TFDP1: variants seen among roughly 807,000 people sequenced by gnomAD.
The protein encoded by TFDP1 is DRTF1-polypeptide 1.
TFDP1 carries 6 observed loss-of-function variants against 48.0 expected under a neutral mutation model. The observed-to-expected ratio is 0.13, with a 90% CI of 0.07 to 0.25. The LOEUF (loss-of-function observed/expected upper bound fraction) is 0.25. TFDP1 is among the 10% of genes least tolerant of loss of function. The pLI is 1.00. For missense variants in TFDP1, 335 were observed against 543.0 expected, an observed-to-expected ratio of 0.62 and a Z score of 3.81; for synonymous variants, 201 against 211.6, an observed-to-expected ratio of 0.95 and a Z score of 0.44.
rs1168703487 is a variant in TFDP1 at position 113,598,588 on chromosome 13, A to G, written c.13-12408A>G. Among the ~76,000 whole-genome samples, 1 of 152,144 alleles carries G rather than the reference A, an allele frequency of 6.6e-6. No individual in the cohort carries two copies. The highest frequency in any genetic ancestry group is 1.9e-4 in the East Asian group (1 of 5,190). On this transcript the variant is annotated intron_variant, in intron 2 of 11. Coordinates refer to ENST00000375370, the MANE Select transcript of TFDP1 (RefSeq NM_007111.5). The surrounding 1 kb of genome is among the most constrained non-coding windows in gnomAD (Gnocchi z 4.2). ...TGCCCTCCTGTGACTCCCATTGTGT[A>G]TGAACTTACCTCCTCGCTCTTCAGC... is the stretch of plus-strand genomic sequence containing the variant.
intron 4 of TFDP1, among the ~76,000 whole-genome samples, chr13:113,624,416 C>A (rs1393597201): frequency 6.6e-6 from 1 of 150,636 alleles, no homozygotes; most frequent in Non-Finnish European, 1.5e-5. Context: ...CCCCAGGTGT[C>A]CTCACGTGTC....
chr13:113,635,598 C>T (rs867697138), intron 8 of TFDP1, among the ~76,000 whole-genome samples: 18 of 152,186 alleles, frequency 1.2e-4, no homozygotes, highest in African/African-American at 3.9e-4. Context: ...GCAAAGTCCA[C>T]GGCACGGCAC....
At chr13:113,594,214 TGTG>T (rs549343086) in intron 2 of TFDP1, among the ~76,000 whole-genome samples, 1 of 127,030 alleles carries the variant, frequency 7.9e-6, no homozygotes, top group Admixed American at 8.7e-5. Flanking sequence ...AGGTGACAGG[TGTG>T]GTGTACACGG....
chr13:113,637,656 C>G, intron 10 of TFDP1, 162 bp from the exon 11 acceptor site: 1 of 1,540,316 alleles, frequency 6.5e-7, no homozygotes, highest in Non-Finnish European at 8.7e-7. Context: ...GCGGGATGTC[C>G]TGCTCCGTGG....
intron 3 of TFDP1, among the ~76,000 whole-genome samples, chr13:113,613,218 G>T (rs565282449): frequency 6.6e-6 from 1 of 152,344 alleles, no homozygotes; most frequent in Admixed American, 6.5e-5. Context: ...GTTTCACCAT[G>T]TTGGTCAGAC....
intron 4 of TFDP1, among the ~76,000 whole-genome samples, chr13:113,625,582 T>C (rs189307041): frequency 2.2e-3 from 75 of 34,680 alleles, no homozygotes; most frequent in Admixed American, 4.5e-3. Context: ...CCTCAGGTGT[T>C]TCTCAGGTGT....
chr13:113,605,194 A>G (rs1392277100), intron 2 of TFDP1, among the ~76,000 whole-genome samples: 2 of 152,068 alleles, frequency 1.3e-5, no homozygotes, highest in East Asian at 1.9e-4. Flanking sequence ...GTCACCTTCC[A>G]GGAAAGGGGT....
At chr13:113,614,154 G>A (rs1356706357) in intron 3 of TFDP1, among the ~76,000 whole-genome samples, 1 of 151,776 alleles carries the variant, frequency 6.6e-6, no homozygotes, top group East Asian at 1.9e-4. Context: ...GCGTGTGCAT[G>A]TGTGTGTGTT....
chr13:113,626,741 A>G (rs1157916031), intron 4 of TFDP1, among the ~76,000 whole-genome samples: 1 of 152,202 alleles, frequency 6.6e-6, no homozygotes, highest in African/African-American at 2.4e-5. Context: ...GCTTTTCAGT[A>G]AATGCCATTT....
In TFDP1 at chr13:113,613,420, A is replaced by G. The variant is rs986327389; in HGVS notation, c.79+2358A>G. ...GGTTTCCTTTTTTCCTCTTCTGTCC[A>G]TGCAGGTGAGCACCAATGTTCACTT... On this transcript the variant is annotated intron_variant, in intron 3 of 11. Transcript: ENST00000375370. 3.3e-5 allele frequency among the ~76,000 whole-genome samples: 5 copies of G among 152,354 alleles called. No homozygotes were observed. The East Asian group carries it at 9.6e-4, about 29-fold the overall frequency.
At position 113,604,442 on chromosome 13, in the gene TFDP1, C is replaced by T. The variant is rs562757930; in HGVS notation, c.13-6554C>T. On this transcript the variant is annotated intron_variant, in intron 2 of 11. Coordinates refer to ENST00000375370, the MANE Select transcript of TFDP1 (RefSeq NM_007111.5). ...GAGACCCAGACTCACACCCACACTCCTAAGGGCAGGACACAGGGGAGGCTG... is the reference window on the plus strand; with the variant it reads ...GAGACCCAGACTCACACCCACACTCTTAAGGGCAGGACACAGGGGAGGCTG... Among the ~76,000 whole-genome samples the T allele has an allele frequency of 6.6e-5, 10 of 152,330 alleles. No individual in the cohort carries two copies. The East Asian group carries it at 1.5e-3, about 24-fold the overall frequency.
intron 4 of TFDP1, among the ~76,000 whole-genome samples, chr13:113,626,644 A>G (rs954168746): frequency 6.6e-6 from 1 of 152,152 alleles, no homozygotes; most frequent in Non-Finnish European, 1.5e-5. Context: ...CTTGCTCTGC[A>G]GAAGTTTTGT....
intron 1 of TFDP1, chr13:113,585,538 A>C: frequency 1.5e-4 from 39 of 254,278 alleles, no homozygotes; most frequent in East Asian, 5.4e-4. Context: ...ACCTGGGGGT[A>C]GTGGTGGTGA....
chr13:113,611,601 C>T (rs1449890523), intron 3 of TFDP1, among the ~76,000 whole-genome samples: 3 of 152,244 alleles, frequency 2.0e-5, no homozygotes, highest in African/African-American at 7.2e-5. Flanking sequence ...CAGGGTCCCA[C>T]GGTTGGTAGT....
At chr13:113,621,623 A>G (rs528196584) in intron 3 of TFDP1, among the ~76,000 whole-genome samples, 2 of 152,380 alleles carry the variant, frequency 1.3e-5, no homozygotes, top group East Asian at 3.9e-4. Flanking sequence ...AGGAGTGACC[A>G]GAAGACGAGT....
intron 3 of TFDP1, among the ~76,000 whole-genome samples, chr13:113,621,841 G>C (rs142047724): frequency 0.013 from 2,012 of 152,290 alleles, 46 homozygotes; most frequent in East Asian, 0.11. Context: ...GGCCTGACAT[G>C]AGTCAGGCTC....
intron 2 of TFDP1, among the ~76,000 whole-genome samples, chr13:113,595,704 C>G (rs1044770780): frequency 2.6e-5 from 4 of 152,238 alleles, no homozygotes; most frequent in African/African-American, 9.6e-5. Flanking sequence ...AGATGCTGGT[C>G]TTTTCAGGTC....
intron 2 of TFDP1, among the ~76,000 whole-genome samples, chr13:113,589,860 A>G (rs2048097849): frequency 6.6e-6 from 1 of 152,216 alleles, no homozygotes; most frequent in Non-Finnish European, 1.5e-5. Flanking sequence ...CTGCCCAGGC[A>G]GCATGACCCT....
At chr13:113,601,851 C>T (rs553350452) in intron 2 of TFDP1, among the ~76,000 whole-genome samples, 1 of 151,986 alleles carries the variant, frequency 6.6e-6, no homozygotes, top group East Asian at 1.9e-4. Flanking sequence ...ATGGAGTTAC[C>T]TGCAGGAGTC....
Sources: allele counts gnomAD v4.1 joint callset (sites outside exome capture counted in the v4.1 genomes callset), GRCh38; gene constraint gnomAD v4.1.1; non-coding constraint Gnocchi (gnomAD v3.1); transcripts MANE v1.5; gene names NCBI Gene and HGNC (gene_info 2026-07-23, HGNC 2026-07-21).